SHISA8: variants seen among roughly 807,000 people sequenced by gnomAD.
SHISA8 encodes the protein shisa family member 8, also known as protein shisa-8.
Under a neutral mutation model 21.1 loss-of-function variants are expected in SHISA8, and 21 were observed. That is an observed-to-expected ratio of 0.99 (90% CI 0.71 to 1.43). The LOEUF (loss-of-function observed/expected upper bound fraction) is 1.43, where lower values mean the gene tolerates loss of function less well. SHISA8 is among the 40% of genes most tolerant of loss of function. SHISA8 has a pLI of 0.00. For missense variants in SHISA8, 535 were observed against 599.1 expected, an observed-to-expected ratio of 0.89 and a Z score of 1.12; for synonymous variants, 300 against 291.4, an observed-to-expected ratio of 1.03 and a Z score of -0.30.
At chr22:41,913,994 G>A (rs988098073) in intron 1 of SHISA8, 144 bp downstream of exon 1, 41 of 842,400 alleles carry the variant, frequency 4.9e-5, no homozygotes, top group Non-Finnish European at 6.2e-5. Context: ...AGTGTTGGGG[G>A]GGCGGCGGGG....
chr22:41,910,030 G>GGGCA lies in SHISA8; in HGVS notation c.925_928dup (p.Pro310LeufsTer59). Reference sequence around the variant, plus strand: ...GGGCGCGTAGACCGGCGGGGCCCAGGGGCAGGCGTCCAGCGGCGCAGGCAA... The same window carrying GGGCA: ...GGGCGCGTAGACCGGCGGGGCCCAGGGGCAGGCAGGCGTCCAGCGGCGCAGGCAA... On this transcript the variant is annotated frameshift_variant, in exon 4 of 4. Transcript: ENST00000621082. LOFTEE classifies it low-confidence loss of function (END_TRUNC). The surrounding 1 kb of genome is among the most constrained non-coding windows in gnomAD (Gnocchi z 6.8). 7.9e-7 allele frequency: 1 copy of GGGCA among 1,265,142 alleles called. No individual in the cohort carries two copies. 78.4% of individuals were successfully genotyped at this position (1,265,142 alleles called of 1,614,324 possible).
chr22:41,910,421 C>T lies in SHISA8; in HGVS notation c.798G>A (p.Ala266=). The change falls in exon 3 of 4, where the codon GCG becomes GCA. Residue 266 remains alanine (A), a synonymous_variant. Transcript: ENST00000621082. This position sits in a 1 kb window ranked among gnomAD's most constrained non-coding sequence, Gnocchi z 6.8. ...YAKYATFKAA[A]LKAAEAAPRD... ...CCCGCCACTCACCTGCGGCCTTGAG[C>T]GCGGCGGCCTTGAACGTGGCGTACT... 1.5e-6 allele frequency: 2 copies of T among 1,356,714 alleles called. No individual in the cohort carries two copies. Among genetic ancestry groups the T allele is most frequent in the South Asian group, 1.8e-5 (1 of 56,842 alleles). 84.0% of individuals were successfully genotyped at this position (1,356,714 alleles called of 1,614,324 possible).
Position 41,910,265 on chromosome 22 carries a change from G to A in SHISA8, c.812-118C>T. On this transcript the variant is annotated intron_variant, in intron 3 of 3. Coordinates refer to ENST00000621082, the MANE Select transcript of SHISA8 (RefSeq NM_001207020.3). This position sits in a 1 kb window ranked among gnomAD's most constrained non-coding sequence, Gnocchi z 6.8. ...CGGGCCGGGGCGGGCCGGGGGCGGG[G>A]CCCGCTGGGGCGAGGGAGCCGATTG... is the stretch of plus-strand genomic sequence containing the variant. 13 of 1,225,778 alleles carry A rather than the reference G, an allele frequency of 1.1e-5. No individual in the cohort carries two copies. Among genetic ancestry groups the A allele is most frequent in the East Asian group, 3.3e-5 (1 of 30,608 alleles). 75.9% of individuals were successfully genotyped at this position (1,225,778 alleles called of 1,614,324 possible).
intron 1 of SHISA8, among the ~76,000 whole-genome samples, chr22:41,912,322 C>A (rs1336460846): frequency 6.6e-6 from 1 of 152,238 alleles, no homozygotes; most frequent in South Asian, 2.1e-4. Flanking sequence ...ACCCTCCTTC[C>A]GGGGCTAGAG....
In SHISA8 at chr22:41,914,177, T is replaced by C. The variant is rs1158005402; in HGVS notation, c.491A>G (p.Glu164Gly). The stretch of plus-strand genomic sequence containing the variant: ...CCGCGCGCGCGGGCTGTGCGCCCTC[T>C]CCAGTCCCAGGCGCGCCCCGATGCC... Reference protein sequence around the residue: ...LAGIGARLGLERAHSPRARRT... With the variant: ...LAGIGARLGLGRAHSPRARRT... The change falls in exon 1 of 4, where the codon GAG (glutamate) becomes GGG (glycine). Residue 164 changes from glutamate to glycine, a missense_variant. Transcript: ENST00000621082. This position sits in a 1 kb window ranked among gnomAD's most constrained non-coding sequence, Gnocchi z 6.8. 6.8e-7 allele frequency: 1 copy of C among 1,464,320 alleles called. No homozygotes were observed. The highest frequency in any genetic ancestry group is 9.0e-7 in the Non-Finnish European group (1 of 1,117,292). The allele number at this position is 1,464,320 out of a possible 1,614,324, so 90.7% of individuals were successfully genotyped here.
intron 1 of SHISA8, among the ~76,000 whole-genome samples, chr22:41,912,540 A>G (rs1180057889): frequency 6.6e-6 from 1 of 152,124 alleles, no homozygotes; most frequent in Non-Finnish European, 1.5e-5. Flanking sequence ...ACAGCTGAGT[A>G]ACCACCACGC....
chr22:41,914,161 C>T lies in SHISA8; in HGVS notation c.507G>A (p.Pro169=). Residue 169 remains proline (P), a synonymous_variant, in exon 1 of 4, where the codon CCG becomes CCA. Transcript: ENST00000621082. This position sits in a 1 kb window ranked among gnomAD's most constrained non-coding sequence, Gnocchi z 6.8. ...ARLGLERAHS[P]RARRTVTRAL... is the part of the protein sequence containing the mutation. ...ACCTGGTCACTGTGCGCCGCGCGCG[C>T]GGGCTGTGCGCCCTCTCCAGTCCCA... 6.9e-7 allele frequency: 1 copy of T among 1,447,754 alleles called. No individual in the cohort carries two copies. The allele number at this position is 1,447,754 out of a possible 1,614,324, so 89.7% of individuals were successfully genotyped here. A position where few individuals can be genotyped will look rare whatever the true frequency, so the allele number is the denominator to read the frequency against.
At chr22:41,912,373 A>T (rs1298914020) in intron 1 of SHISA8, among the ~76,000 whole-genome samples, 1 of 152,226 alleles carries the variant, frequency 6.6e-6, no homozygotes, top group African/African-American at 2.4e-5. Flanking sequence ...AGGAGGCAGG[A>T]CACCAGGGAT....
At chr22:41,911,076 G>T in intron 2 of SHISA8, 140 bp downstream of exon 2, 2 of 1,129,256 alleles carry the variant, frequency 1.8e-6, no homozygotes, top group Non-Finnish European at 2.2e-6. Flanking sequence ...CTGGCTGGCC[G>T]GTCGGGCCCC....
In SHISA8 at chr22:41,914,340, C is replaced by A. The variant is rs1359168763; in HGVS notation, c.328G>T (p.Asp110Tyr). The A allele has an allele frequency of 1.1e-4, 130 of 1,182,024 alleles. No homozygotes were observed. Among genetic ancestry groups the A allele is most frequent in the Non-Finnish European group, 1.3e-4 (125 of 955,732 alleles). The allele number at this position is 1,182,024 out of a possible 1,614,324, so 73.2% of individuals were successfully genotyped here. ...CCTGTCTGGACCCAGGCCGGCGTGT[C>A]GTAGTTGGAACAGCGGCTCTGGTCG... ...RLDQSRCSNY[D>Y]TPAWVQTGRP... Residue 110 changes from aspartate to tyrosine, a missense_variant, in exon 1 of 4, where the codon GAC (aspartate) becomes TAC (tyrosine). By Grantham distance (160) the Asp-to-Tyr change is radical. Transcript: ENST00000621082. The surrounding 1 kb of genome is among the most constrained non-coding windows in gnomAD (Gnocchi z 6.8).
chr22:41,914,112 G>A lies in SHISA8; in HGVS notation c.530+26C>T. On this transcript the variant is annotated intron_variant, in intron 1 of 3. Coordinates refer to ENST00000621082, the MANE Select transcript of SHISA8 (RefSeq NM_001207020.3). This position sits in a 1 kb window ranked among gnomAD's most constrained non-coding sequence, Gnocchi z 6.8. ...GGGAGAGCAGTCCGAGGAGCAGGCG[G>A]GGGTCCCTGGGCGGCGCGTGCTCAC... 1 of 1,385,346 alleles carries A rather than the reference G, an allele frequency of 7.2e-7. No homozygotes were observed. The highest frequency in any genetic ancestry group is 9.3e-7 in the Non-Finnish European group (1 of 1,078,504). 85.8% of individuals were successfully genotyped at this position (1,385,346 alleles called of 1,614,324 possible).
intron 1 of SHISA8, among the ~76,000 whole-genome samples, chr22:41,912,026 C>G (rs573573591): frequency 2.6e-5 from 4 of 152,354 alleles, no homozygotes; most frequent in Admixed American, 1.3e-4. Flanking sequence ...CCACCGCGCC[C>G]GGCCCAGGAT....
At chr22:41,913,914 G>A (rs2077567181) in intron 1 of SHISA8, among the ~76,000 whole-genome samples, 1 of 151,392 alleles carries the variant, frequency 6.6e-6, no homozygotes, top group Admixed American at 6.6e-5. Context: ...AGCAGGGAAA[G>A]GCGGTGCGGC....
In SHISA8 at chr22:41,911,267, G is replaced by A; in HGVS notation, c.613C>T (p.Gln205Ter). 1.6e-6 allele frequency: 2 copies of A among 1,271,478 alleles called. No homozygotes were observed. Among genetic ancestry groups the A allele is most frequent in the Non-Finnish European group, 2.0e-6 (2 of 1,008,604 alleles). 78.8% of individuals were successfully genotyped at this position (1,271,478 alleles called of 1,614,324 possible). A position where few individuals can be genotyped will look rare whatever the true frequency, so the allele number is the denominator to read the frequency against. ...GGGAGGCCGTCCCCCATCTGCACCT[G>A]GACACAGCCACCCAGGGGTGGGCCC... The part of the protein sequence containing the change: ...TLGPPLGGCV[Q>*]VQMGDGLPRG... Residue 205 changes from glutamine (Q) to a stop codon, truncating the protein, a stop_gained, in exon 2 of 4, where the codon CAG becomes TAG. Transcript: ENST00000621082. LOFTEE classifies it high-confidence loss of function.
In SHISA8 at chr22:41,911,222, T is replaced by C. The variant is rs76140449; in HGVS notation, c.658A>G (p.Ser220Gly). ...CCGCCCGCCACCGACTCACCTGCGC[T>C]GTTGTGGGGGGAGCCCCGGGGGAGG... ...DGLPRGSPHN[S>G]ADKKRLNNAP... Residue 220 changes from serine to glycine, a missense_variant, in exon 2 of 4, where the codon AGC (serine) becomes GGC (glycine). Ser to Gly is a moderately conservative substitution (Grantham distance 56). Transcript: ENST00000621082. The C allele has an allele frequency of 0.073, 93,925 of 1,280,678 alleles. 3,627 individuals carry two copies. The highest frequency in any genetic ancestry group is 0.079 in the Non-Finnish European group (80,247 of 1,014,698). The allele number at this position is 1,280,678 out of a possible 1,614,324, so 79.3% of individuals were successfully genotyped here.
Position 41,914,545 on chromosome 22 carries a change from G to T in SHISA8, c.123C>A (p.Pro41=). ...CGGGCGCCGCGGGACCCTGCGCCTC[G>T]GGGGCTCCCGCGCGGCCCGACGGCG... is the stretch of plus-strand genomic sequence containing the variant. ...ARPPSGRAGA[P]EAQGPAAPGT... Residue 41 remains proline (P), a synonymous_variant, in exon 1 of 4, where the codon CCC becomes CCA. Coordinates refer to ENST00000621082, the MANE Select transcript of SHISA8 (RefSeq NM_001207020.3). The surrounding 1 kb of genome is among the most constrained non-coding windows in gnomAD (Gnocchi z 6.8). 1 of 1,195,768 alleles carries T rather than the reference G, an allele frequency of 8.4e-7. No individual in the cohort carries two copies. The highest frequency in any genetic ancestry group is 1.0e-6 in the Non-Finnish European group (1 of 965,204). 74.1% of individuals were successfully genotyped at this position (1,195,768 alleles called of 1,614,324 possible).
rs952374310 is a variant in SHISA8, at chr22:41,910,239, C to CCGGGCCGGGG, written c.812-102_812-93dup. 2.5e-5 allele frequency: 30 copies of CCGGGCCGGGG among 1,220,274 alleles called. No homozygotes were observed. Among genetic ancestry groups the CCGGGCCGGGG allele is most frequent in the Middle Eastern group, 3.2e-4 (1 of 3,144 alleles). The allele number at this position is 1,220,274 out of a possible 1,614,324, so 75.6% of individuals were successfully genotyped here. On this transcript the variant is annotated intron_variant, in intron 3 of 3. Coordinates refer to ENST00000621082, the MANE Select transcript of SHISA8 (RefSeq NM_001207020.3). This position sits in a 1 kb window ranked among gnomAD's most constrained non-coding sequence, Gnocchi z 6.8. Reference sequence around the variant, plus strand: ...TCCCGGCCGGGGACTGGGACGGGGACCGGGCCGGGGCGGGCCGGGGGCGGG... The same window carrying CCGGGCCGGGG: ...TCCCGGCCGGGGACTGGGACGGGGACCGGGCCGGGGCGGGCCGGGGCGGGCCGGGGGCGGG...
Position 41,914,599 on chromosome 22 carries a change from C to G in SHISA8, c.69G>C (p.Ala23=). Residue 23 remains alanine (A), a synonymous_variant, in exon 1 of 4, where the codon GCG becomes GCC. Transcript: ENST00000621082. The surrounding 1 kb of genome is among the most constrained non-coding windows in gnomAD (Gnocchi z 6.8). ...GCGCCAGCAGCAACGCGAGCCGAAG[C>G]GCGAGCGCGAGCCGGAGGCCGGGAG... is the stretch of plus-strand genomic sequence containing the variant. ...RRPPGLRLAL[A]LRLALLLARP... 9.1e-7 allele frequency: 1 copy of G among 1,098,966 alleles called. No individual in the cohort carries two copies. Among genetic ancestry groups the G allele is most frequent in the South Asian group, 4.3e-5 (1 of 23,100 alleles). The allele number at this position is 1,098,966 out of a possible 1,614,324, so 68.1% of individuals were successfully genotyped here.
chr22:41,911,470 T>TC, intron 1 of SHISA8, 121 bp from the exon 2 acceptor site: 1 of 1,100,122 alleles, frequency 9.1e-7, no homozygotes, highest in Non-Finnish European at 1.2e-6. Context: ...GGCCGTCCTC[T>TC]CCGGTGCTCG....
Sources: allele counts gnomAD v4.1 joint callset (sites outside exome capture counted in the v4.1 genomes callset), GRCh38; gene constraint gnomAD v4.1.1; non-coding constraint Gnocchi (gnomAD v3.1); transcripts MANE v1.5; gene names NCBI Gene and HGNC (gene_info 2026-07-23, HGNC 2026-07-21).